Variants in DCLK2 observed in about 807,000 individuals in gnomAD.
DCLK2 encodes serine/threonine-protein kinase DCLK2.
A neutral mutation model predicts 78.4 loss-of-function variants in DCLK2; 31 were observed. The observed-to-expected ratio is 0.40, with a 90% CI of 0.30 to 0.53. The LOEUF is 0.53. Among genes scored for constraint, DCLK2 ranks in the 20% least tolerant of loss-of-function variants. The pLI, the probability that DCLK2 is intolerant of heterozygous loss-of-function variation, is 0.61. For synonymous variants in DCLK2, 407 were observed against 374.9 expected (o/e 1.09, Z -0.99); for missense variants, 872 against 973.7 (o/e 0.90, Z 1.39).
In DCLK2 at chr4:150,138,878, A is replaced by C. The variant is rs556337555; in HGVS notation, c.756+36066A>C. On this transcript the variant is annotated intron_variant, in intron 2 of 15. Transcript: ENST00000296550. ...ACAGGGTTTCACCTTGTTAGCCAGGATGGTCTCAATCTCCTGACCTTGTGA... is the reference window on the plus strand; with the variant it reads ...ACAGGGTTTCACCTTGTTAGCCAGGCTGGTCTCAATCTCCTGACCTTGTGA... Among the ~76,000 whole-genome samples, 6 of 151,996 alleles carry C rather than the reference A, an allele frequency of 3.9e-5. No homozygotes were observed. In the South Asian group the frequency reaches 6.2e-4, roughly 16 times the overall value.
At chr4:150,253,007 C>T (rs543236393) in intron 15 of DCLK2, among the ~76,000 whole-genome samples, 9 of 152,276 alleles carry the variant, frequency 5.9e-5, no homozygotes, top group South Asian at 4.1e-4. Context: ...TGCTGATCCT[C>T]CCCTGGCGCA....
At chr4:150,097,845 A>C (rs1730577091) in intron 1 of DCLK2, among the ~76,000 whole-genome samples, 1 of 152,202 alleles carries the variant, frequency 6.6e-6, no homozygotes, top group Non-Finnish European at 1.5e-5. Flanking sequence ...GATTTCCCCT[A>C]AATTTTTTAC....
In DCLK2 at chr4:150,190,231, ATAGT is replaced by A. The variant is rs770330061; in HGVS notation, c.757-2903_757-2900del. Among the ~76,000 whole-genome samples the A allele has an allele frequency of 1.9e-3, 170 of 90,752 alleles. 1 individual carries two copies. Among genetic ancestry groups the A allele is most frequent in the Middle Eastern group, 0.01 (2 of 196 alleles). The allele number at this position is 90,752 out of a possible 152,430, so 59.5% of individuals were successfully genotyped here. On this transcript the variant is annotated intron_variant, in intron 2 of 15. Coordinates refer to ENST00000296550, the MANE Select transcript of DCLK2 (RefSeq NM_001040260.4). ...TATAGATAGATAGATGGATAGATGG[ATAGT>A]TAGATAGATAGATAGATAGATAGAT...
chr4:150,155,121 A>G (rs1735175730), intron 2 of DCLK2, among the ~76,000 whole-genome samples: 1 of 152,198 alleles, frequency 6.6e-6, no homozygotes, highest in African/African-American at 2.4e-5. Context: ...GGTCCCAGCT[A>G]CTCAGGAGGC....
At chr4:150,093,814 T>A (rs1200935183) in intron 1 of DCLK2, among the ~76,000 whole-genome samples, 1 of 152,128 alleles carries the variant, frequency 6.6e-6, no homozygotes, top group African/African-American at 2.4e-5. Flanking sequence ...CAAAATATAT[T>A]ACAAAGACAC....
At chr4:150,106,554 G>T (rs551606742) in intron 2 of DCLK2, among the ~76,000 whole-genome samples, 14 of 152,276 alleles carry the variant, frequency 9.2e-5, no homozygotes, top group African/African-American at 3.4e-4. Flanking sequence ...TTTCCTGGTT[G>T]CTTCCTACCC....
intron 1 of DCLK2, among the ~76,000 whole-genome samples, chr4:150,085,833 A>G (rs761818440): frequency 1.3e-5 from 2 of 152,218 alleles, no homozygotes; most frequent in African/African-American, 2.4e-5. Flanking sequence ...ATTTCTGTTT[A>G]TAAGTCACTC....
intron 13 of DCLK2, 23 bp downstream of exon 13, chr4:150,247,722 T>C: frequency 6.3e-7 from 1 of 1,598,356 alleles, no homozygotes; most frequent in East Asian, 2.2e-5. Flanking sequence ...CCTGTTTCTG[T>C]GGGTTGTATT....
At chr4:150,214,871 A>T (rs1286614564) in intron 5 of DCLK2, among the ~76,000 whole-genome samples, 1 of 150,918 alleles carries the variant, frequency 6.6e-6, no homozygotes, top group East Asian at 2.0e-4. Context: ...CCAAGGCAGG[A>T]GAATCACTTG....
chr4:150,158,907 G>A (rs76289117), intron 2 of DCLK2, among the ~76,000 whole-genome samples: 1 of 152,076 alleles, frequency 6.6e-6, no homozygotes, highest in Admixed American at 6.6e-5. Context: ...ACAACCCAAG[G>A]TTCCTCAGGC....
Position 150,220,882 on chromosome 4 carries a change from G to A in DCLK2, c.1132+104G>A, listed in dbSNP as rs994618215. ...CTAAATTACGATCTTCCTAAAGAGG[G>A]ATGTGATCACATCACCTGTCAGCCC... On this transcript the variant is annotated intron_variant, in intron 6 of 15. Coordinates refer to ENST00000296550, the MANE Select transcript of DCLK2 (RefSeq NM_001040260.4). 16 of 915,472 alleles carry A rather than the reference G, an allele frequency of 1.7e-5. No individual in the cohort carries two copies. In the Admixed American group the frequency reaches 2.7e-4, roughly 15 times the overall value. The allele number at this position is 915,472 out of a possible 1,614,324, so 56.7% of individuals were successfully genotyped here. A position where few individuals can be genotyped will look rare whatever the true frequency, so the allele number is the denominator to read the frequency against.
rs537982154 is a variant in DCLK2 at position 150,106,274 on chromosome 4, TAAAGATACTATGAC to T, written c.756+3464_756+3477del. The stretch of plus-strand genomic sequence containing the variant: ...AGTCTGTTTTTGGTTGATATAAGTA[TAAAGATACTATGAC>T]ATCTGCAAACCTTTAAATGAGCAGT... On this transcript the variant is annotated intron_variant, in intron 2 of 15. Coordinates refer to ENST00000296550, the MANE Select transcript of DCLK2 (RefSeq NM_001040260.4). Among the ~76,000 whole-genome samples, 210 of 152,296 alleles carry T rather than the reference TAAAGATACTATGAC, an allele frequency of 1.4e-3. 2 individuals are homozygous for T. Among genetic ancestry groups the T allele is most frequent in the African/African-American group, 4.9e-3 (202 of 41,580 alleles).
At chr4:150,149,233 A>G (rs1306587157) in intron 2 of DCLK2, among the ~76,000 whole-genome samples, 1 of 152,010 alleles carries the variant, frequency 6.6e-6, no homozygotes, top group Non-Finnish European at 1.5e-5. Context: ...GTAGCAGTTT[A>G]TTTTAGTAAT....
At chr4:150,221,331 T>C (rs1368322501) in intron 6 of DCLK2, among the ~76,000 whole-genome samples, 5 of 151,328 alleles carry the variant, frequency 3.3e-5, no homozygotes, top group Non-Finnish European at 7.4e-5. Flanking sequence ...TTTTTTTTTT[T>C]CTTTTTCTAT....
intron 2 of DCLK2, among the ~76,000 whole-genome samples, chr4:150,171,728 A>C (rs1441749260): frequency 6.6e-6 from 1 of 152,202 alleles, no homozygotes; most frequent in Non-Finnish European, 1.5e-5. Flanking sequence ...TAAGAAAACC[A>C]AACATTGGCT....
chr4:150,164,328 C>T (rs1404563387), intron 2 of DCLK2, among the ~76,000 whole-genome samples: 2 of 152,186 alleles, frequency 1.3e-5, no homozygotes, highest in Admixed American at 1.3e-4. Flanking sequence ...TTGAACTGTG[C>T]AGCCACTGCT....
intron 1 of DCLK2, among the ~76,000 whole-genome samples, chr4:150,083,799 C>A (rs1479053291): frequency 6.6e-6 from 1 of 152,124 alleles, no homozygotes; most frequent in African/African-American, 2.4e-5. Context: ...CTGTGAAACC[C>A]CTGGATTCTT....
At chr4:150,135,165 T>TTC (rs111645351) in intron 2 of DCLK2, among the ~76,000 whole-genome samples, 2 of 146,930 alleles carry the variant, frequency 1.4e-5, no homozygotes, top group East Asian at 4.3e-4. Context: ...CATACACGTG[T>TTC]ACACACACAC....
intron 4 of DCLK2, among the ~76,000 whole-genome samples, chr4:150,201,184 CAAAA>C (rs759589791): frequency 6.6e-6 from 1 of 151,984 alleles, no homozygotes; most frequent in East Asian, 1.9e-4. Context: ...TCAAAGAAAA[CAAAA>C]AAGCCCCCAA....
Sources: gnomAD v4.1 joint callset for allele counts (sites outside exome capture counted in the v4.1 genomes callset) on GRCh38, gnomAD v4.1.1 for gene constraint, MANE v1.5 for transcripts, NCBI Gene and HGNC (gene_info 2026-07-23, HGNC 2026-07-21) for gene names.